Variants in MSRB2 observed in about 807,000 individuals in gnomAD.
MSRB2 encodes the protein methionine sulfoxide reductase B2.
In MSRB2, 17 loss-of-function variants were observed where a neutral mutation model predicts 19.0. That is an observed-to-expected ratio of 0.89 (90% CI 0.61 to 1.34). The LOEUF (loss-of-function observed/expected upper bound fraction) is 1.34. MSRB2 is among the 40% of genes most tolerant of loss of function. MSRB2 has a pLI of 0.00. For missense variants in MSRB2, 208 were observed against 237.6 expected (o/e 0.88, Z 0.82); for synonymous variants, 107 against 99.7 (o/e 1.07, Z -0.44).
intron 1 of MSRB2, 136 bp downstream of exon 1, chr10:23,095,862 C>CA (rs1046849163): frequency 3.5e-5 from 16 of 463,530 alleles, no homozygotes; most frequent in African/African-American, 3.1e-4. Context: ...CGCCCCTCCC[C>CA]CCCCCCAGCC....
At chr10:23,106,571 A>G (rs1350224661) in intron 2 of MSRB2, among the ~76,000 whole-genome samples, 4 of 152,096 alleles carry the variant, frequency 2.6e-5, no homozygotes, top group Non-Finnish European at 5.9e-5. Context: ...CCAGTGGGAG[A>G]CAACAGTGAG....
intron 2 of MSRB2, 72 bp downstream of exon 2, chr10:23,104,316 C>T (rs1839962095): frequency 1.6e-6 from 2 of 1,251,400 alleles, no homozygotes; most frequent in Non-Finnish European, 2.3e-6. Flanking sequence ...ATAGGTCCAG[C>T]TATGAAACCC....
intron 3 of MSRB2, among the ~76,000 whole-genome samples, chr10:23,116,676 G>A (rs892047036): frequency 3.3e-5 from 5 of 152,114 alleles, no homozygotes; most frequent in African/African-American, 4.8e-5. Context: ...CTGTAGTTAC[G>A]GCTGGTGGAA....
chr10:23,111,906 ATTAAT>A lies in MSRB2; in HGVS notation c.296+1593_296+1597del, dbSNP rs1043178238. Among the ~76,000 whole-genome samples the A allele has an allele frequency of 2.6e-4, 39 of 149,560 alleles. No homozygotes were observed. The South Asian group carries it at 5.1e-3, about 20-fold the overall frequency. ...TAATTTAAACTTAAATTTAATTTTAATTAATTTAAACTTTAATTTTAATTAATTTA... is the reference window on the plus strand; with the variant it reads ...TAATTTAAACTTAAATTTAATTTTAATTAAACTTTAATTTTAATTAATTTA... On this transcript the variant is annotated intron_variant, in intron 3 of 4. Coordinates refer to ENST00000376510, the MANE Select transcript of MSRB2 (RefSeq NM_012228.4).
Position 23,119,496 on chromosome 10 carries a change from A to C in MSRB2, c.444+45A>C, listed in dbSNP as rs147467791. On this transcript the variant is annotated intron_variant, in intron 4 of 4. Transcript: ENST00000376510. ...TTTACTTTCCCTGATGCTGCCCCCA[A>C]TGCCACAAAGAGCTCTCTTGTTCTT... 472 of 1,596,330 alleles carry C rather than the reference A, an allele frequency of 3.0e-4. 1 individual carries two copies. In the African/African-American group the frequency reaches 3.8e-3, roughly 13 times the overall value.
intron 3 of MSRB2, chr10:23,119,047 T>A (rs1470924002): frequency 1.7e-6 from 1 of 599,056 alleles, no homozygotes; most frequent in South Asian, 1.5e-5. Flanking sequence ...TGTTTTTAGA[T>A]CCTTGTTGGA....
At chr10:23,116,743 C>T (rs1214288792) in intron 3 of MSRB2, among the ~76,000 whole-genome samples, 1 of 152,194 alleles carries the variant, frequency 6.6e-6, no homozygotes, top group African/African-American at 2.4e-5. Flanking sequence ...TGCTTCAACA[C>T]TGCTTATCTC....
chr10:23,103,625 C>T (rs920488693), intron 1 of MSRB2, among the ~76,000 whole-genome samples: 3 of 152,140 alleles, frequency 2.0e-5, no homozygotes, highest in Non-Finnish European at 4.4e-5. Context: ...ATGGGAGTTT[C>T]TTCTTTTGTT....
At chr10:23,113,550 C>T (rs1285738473) in intron 3 of MSRB2, among the ~76,000 whole-genome samples, 2 of 152,146 alleles carry the variant, frequency 1.3e-5, no homozygotes, top group African/African-American at 4.8e-5. Context: ...GGACAAGGCT[C>T]ATGGAAGTTG....
intron 1 of MSRB2, among the ~76,000 whole-genome samples, chr10:23,103,569 C>A (rs969013125): frequency 5.3e-5 from 8 of 152,140 alleles, no homozygotes; most frequent in Admixed American, 3.3e-4. Flanking sequence ...CATGAAGCAT[C>A]ATAATAGATT....
At chr10:23,100,945 C>T (rs1371903410) in intron 1 of MSRB2, among the ~76,000 whole-genome samples, 3 of 152,150 alleles carry the variant, frequency 2.0e-5, no homozygotes, top group Non-Finnish European at 2.9e-5. Context: ...GAAGGGGAGA[C>T]GTAGTAGATA....
chr10:23,119,545 G>A, intron 4 of MSRB2, 94 bp downstream of exon 4: 1 of 1,430,646 alleles, frequency 7.0e-7, no homozygotes, highest in Non-Finnish European at 9.5e-7. Context: ...TCCTTTTATA[G>A]GGGTACTTTC....
chr10:23,113,592 A>C (rs746059115), intron 3 of MSRB2, among the ~76,000 whole-genome samples: 2 of 152,322 alleles, frequency 1.3e-5, no homozygotes, highest in Non-Finnish European at 2.9e-5. Context: ...CCAAAAAGAC[A>C]TGTTGAAGTC....
intron 1 of MSRB2, among the ~76,000 whole-genome samples, chr10:23,096,003 G>A (rs181882361): frequency 2.0e-5 from 3 of 152,046 alleles, no homozygotes; most frequent in East Asian, 3.9e-4. Context: ...GGCTCGGGGA[G>A]TGGGGGCATA....
At chr10:23,119,489 GC>G in intron 4 of MSRB2, 38 bp downstream of exon 4, 1 of 1,598,022 alleles carries the variant, frequency 6.3e-7, no homozygotes, top group Non-Finnish European at 8.5e-7. Context: ...CCCTGATGCT[GC>G]CCCCAATGCC....
At chr10:23,115,628 T>C (rs1204062865) in intron 3 of MSRB2, among the ~76,000 whole-genome samples, 1 of 152,208 alleles carries the variant, frequency 6.6e-6, no homozygotes, top group African/African-American at 2.4e-5. Flanking sequence ...TGATTCAGAA[T>C]GGTTTTAGTT....
At chr10:23,095,800 C>A in intron 1 of MSRB2, 74 bp downstream of exon 1, 1 of 1,057,962 alleles carries the variant, frequency 9.5e-7, no homozygotes, top group Non-Finnish European at 1.2e-6. Flanking sequence ...CACCCGGGAG[C>A]CTAGGGCCGG....
intron 1 of MSRB2, among the ~76,000 whole-genome samples, chr10:23,096,912 C>A (rs1009629540): frequency 6.6e-6 from 1 of 152,168 alleles, no homozygotes; most frequent in Non-Finnish European, 1.5e-5. Context: ...TACTTCATGG[C>A]TGTAATTGCT....
intron 3 of MSRB2, among the ~76,000 whole-genome samples, chr10:23,117,021 C>T (rs1285258527): frequency 6.6e-6 from 1 of 152,152 alleles, no homozygotes; most frequent in Non-Finnish European, 1.5e-5. Flanking sequence ...CCATCATGAC[C>T]GGAAACTCGA....
Sources: gnomAD v4.1 joint callset for allele counts (sites outside exome capture counted in the v4.1 genomes callset) on GRCh38, gnomAD v4.1.1 for gene constraint, MANE v1.5 for transcripts, NCBI Gene and HGNC (gene_info 2026-07-23, HGNC 2026-07-21) for gene names.